Variants in RGS7 observed in about 807,000 individuals in gnomAD.
RGS7 encodes regulator of G protein signaling 7, also known as regulator of G-protein signaling 7.
Under a neutral mutation model 81.1 loss-of-function variants are expected in RGS7, and 27 were observed. That is an observed-to-expected ratio of 0.33 (90% CI 0.25 to 0.46). The LOEUF (loss-of-function observed/expected upper bound fraction) is 0.46, where lower values mean the gene tolerates loss of function less well. Ranked by LOEUF, RGS7 falls within the 20% of genes least tolerant of loss-of-function variation. The probability of loss-of-function intolerance (pLI) is 1.00; values close to 1 mark genes in which losing one functional copy is unlikely to be tolerated. For synonymous variants in RGS7, 208 were observed against 207.7 expected (o/e 1.00, Z -0.01); for missense variants, 396 against 607.4 (o/e 0.65, Z 3.66).
At chr1:241,058,265 C>T (rs1180451285) in intron 3 of RGS7, among the ~76,000 whole-genome samples, 1 of 152,190 alleles carries the variant, frequency 6.6e-6, no homozygotes, top group Non-Finnish European at 1.5e-5. Context: ...AGCATAAGTA[C>T]AACTCTAGTA....
chr1:241,231,289 T>C (rs867751356), intron 2 of RGS7, among the ~76,000 whole-genome samples: 19 of 152,358 alleles, frequency 1.2e-4, no homozygotes, highest in Middle Eastern at 6.8e-3. Flanking sequence ...TAGAATAGTC[T>C]ATTTGATAAA....
At chr1:241,344,624 C>T (rs750364008) in intron 2 of RGS7, among the ~76,000 whole-genome samples, 5 of 152,204 alleles carry the variant, frequency 3.3e-5, no homozygotes, top group African/African-American at 7.2e-5. Flanking sequence ...TCTTGAATTA[C>T]GAGGGTATTT....
At chr1:241,223,838 C>A (rs2075153758) in intron 2 of RGS7, among the ~76,000 whole-genome samples, 2 of 151,658 alleles carry the variant, frequency 1.3e-5, no homozygotes, top group South Asian at 4.2e-4. Context: ...GCGTATAAAA[C>A]ACTGAGTATT....
At chr1:241,009,905 A>G (rs1424211593) in intron 3 of RGS7, among the ~76,000 whole-genome samples, 1 of 152,156 alleles carries the variant, frequency 6.6e-6, no homozygotes, top group Admixed American at 6.6e-5. Flanking sequence ...GAAGCTGGAA[A>G]CCATCATTCT....
intron 18 of RGS7, among the ~76,000 whole-genome samples, chr1:240,793,228 A>T (rs1020908223): frequency 6.6e-6 from 1 of 152,142 alleles, no homozygotes; most frequent in African/African-American, 2.4e-5. Context: ...ACAGAACTTG[A>T]GCAGCAACTT....
chr1:241,331,228 A>T (rs2081959565), intron 2 of RGS7, among the ~76,000 whole-genome samples: 1 of 152,196 alleles, frequency 6.6e-6, no homozygotes, highest in Non-Finnish European at 1.5e-5. Context: ...GGAAGTAACC[A>T]CAAGGTCTGC....
chr1:241,180,226 T>A (rs112955274), intron 2 of RGS7, among the ~76,000 whole-genome samples: 9,125 of 151,962 alleles, frequency 0.06, 370 homozygotes, highest in South Asian at 0.11. Context: ...ATACAAAAAA[T>A]TAGCCGGGCC....
chr1:240,845,205 C>A (rs1338892083), intron 9 of RGS7, among the ~76,000 whole-genome samples: 1 of 152,122 alleles, frequency 6.6e-6, no homozygotes, highest in African/African-American at 2.4e-5. Context: ...GATATTTATA[C>A]CTGTTGCATT....
intron 2 of RGS7, among the ~76,000 whole-genome samples, chr1:241,125,230 C>T (rs1489665559): frequency 1.3e-5 from 2 of 152,148 alleles, no homozygotes; most frequent in East Asian, 3.8e-4. Flanking sequence ...CATGCAGAGT[C>T]CAAACTCAGT....
intron 2 of RGS7, among the ~76,000 whole-genome samples, chr1:241,335,988 G>C (rs1558331876): frequency 6.6e-6 from 1 of 152,122 alleles, no homozygotes; most frequent in African/African-American, 2.4e-5. Flanking sequence ...TGTTAGAGTA[G>C]TGTGATTATG....
intron 2 of RGS7, among the ~76,000 whole-genome samples, chr1:241,258,009 C>T (rs1380887053): frequency 6.6e-6 from 1 of 152,054 alleles, no homozygotes; most frequent in Non-Finnish European, 1.5e-5. Flanking sequence ...CTATGAATTC[C>T]AACCTCCTAA....
intron 3 of RGS7, among the ~76,000 whole-genome samples, chr1:241,014,912 C>T (rs941194862): frequency 6.6e-6 from 1 of 152,148 alleles, no homozygotes; most frequent in Non-Finnish European, 1.5e-5. Flanking sequence ...AAGGATTCTC[C>T]ATCACTTACA....
At chr1:240,867,196 C>T (rs1393035366) in intron 9 of RGS7, among the ~76,000 whole-genome samples, 4 of 152,140 alleles carry the variant, frequency 2.6e-5, no homozygotes, top group African/African-American at 9.7e-5. Context: ...TTCAATATAG[C>T]ATTTAACAAT....
chr1:240,950,783 C>A (rs941460865), intron 4 of RGS7, among the ~76,000 whole-genome samples: 1 of 152,152 alleles, frequency 6.6e-6, no homozygotes, highest in African/African-American at 2.4e-5. Context: ...AATAAAAGCA[C>A]TAGAGGAATT....
At chr1:241,274,766 C>T (rs1191232039) in intron 2 of RGS7, among the ~76,000 whole-genome samples, 2 of 152,160 alleles carry the variant, frequency 1.3e-5, no homozygotes, top group Non-Finnish European at 1.5e-5. Context: ...TGTGGTTACA[C>T]TCAGTGTTTC....
chr1:241,278,059 A>T (rs114746283), intron 2 of RGS7, among the ~76,000 whole-genome samples: 1,656 of 152,292 alleles, frequency 0.011, 13 homozygotes, highest in African/African-American at 0.021. Flanking sequence ...CGCTGTTCTC[A>T]GTGCCGTCAC....
chr1:241,278,296 A>G (rs1355114441), intron 2 of RGS7, among the ~76,000 whole-genome samples: 2 of 152,252 alleles, frequency 1.3e-5, no homozygotes, highest in Non-Finnish European at 2.9e-5. Context: ...AAAAATGAAC[A>G]TAAGCCAGTA....
intron 4 of RGS7, among the ~76,000 whole-genome samples, chr1:240,970,709 G>A (rs986739332): frequency 6.6e-6 from 1 of 152,278 alleles, no homozygotes; most frequent in Non-Finnish European, 1.5e-5. Flanking sequence ...AATATGCCAG[G>A]CAGAGTGGCT....
intron 2 of RGS7, among the ~76,000 whole-genome samples, chr1:241,304,293 G>A (rs189308300): frequency 1.3e-5 from 2 of 152,292 alleles, no homozygotes; most frequent in Non-Finnish European, 2.9e-5. Flanking sequence ...AAGTTCGCAA[G>A]TGTGAAAATA....
Sources: gnomAD v4.1 joint callset for allele counts (sites outside exome capture counted in the v4.1 genomes callset) on GRCh38, gnomAD v4.1.1 for gene constraint, MANE v1.5 for transcripts, NCBI Gene and HGNC (gene_info 2026-07-23, HGNC 2026-07-21) for gene names.